Variants in PCDHGB2 observed in about 807,000 individuals in gnomAD.
PCDHGB2 encodes the protein protocadherin gamma subfamily B, 2.
In PCDHGB2, 55 loss-of-function variants were observed where a neutral mutation model predicts 59.3. The observed-to-expected ratio is 0.93, with a 90% CI of 0.75 to 1.16. PCDHGB2 has a LOEUF of 1.16. Ranked by LOEUF, PCDHGB2 falls within the 50% of genes most tolerant of loss-of-function variation. The probability of loss-of-function intolerance (pLI) is 0.00; values close to 1 mark genes in which losing one functional copy is unlikely to be tolerated. For synonymous variants in PCDHGB2, 516 were observed against 512.0 expected (o/e 1.01, Z -0.11); for missense variants, 1,228 against 1,198.5 (o/e 1.02, Z -0.36).
intron 2 of PCDHGB2, among the ~76,000 whole-genome samples, chr5:141,499,297 T>A (rs1449576891): frequency 1.3e-5 from 2 of 152,036 alleles, no homozygotes; most frequent in Non-Finnish European, 2.9e-5. Flanking sequence ...CACACTACCA[T>A]CCCTCCTCTG....
chr5:141,366,033 C>G (rs1310722008), intron 1 of PCDHGB2: 2 of 1,614,254 alleles, frequency 1.2e-6, no homozygotes, highest in South Asian at 2.2e-5. Context: ...CCCGCCCTCC[C>G]CACAGACGGT....
rs773522759 is a variant in PCDHGB2, at chr5:141,419,457, A to G, written c.2421+56901A>G. The G allele has an allele frequency of 7.4e-6, 12 of 1,612,610 alleles. No homozygotes were observed. The South Asian group carries it at 1.3e-4, about 18-fold the overall frequency. On this transcript the variant is annotated intron_variant, in intron 1 of 3. Transcript: ENST00000522605. ...CTGCGCACCTTCGAGCTCACGCTGC[A>G]GGCCCGCGACCAGGGCTCGCCCGCG...
intron 1 of PCDHGB2, among the ~76,000 whole-genome samples, chr5:141,494,113 C>G (rs2099751999): frequency 6.6e-6 from 1 of 152,214 alleles, no homozygotes; most frequent in Non-Finnish European, 1.5e-5. Flanking sequence ...TCAGACAGAG[C>G]AGCCTTGTTC....
Position 141,432,331 on chromosome 5 carries a change from G to A in PCDHGB2, c.2422-62476G>A, listed in dbSNP as rs763952193. Reference sequence around the variant, plus strand: ...CGCTGAGCTCCTTCGACTACGAGCAGTTCCGAGACTTGCAAGTGAAAGTGA... The same window carrying A: ...CGCTGAGCTCCTTCGACTACGAGCAATTCCGAGACTTGCAAGTGAAAGTGA... On this transcript the variant is annotated intron_variant, in intron 1 of 3. Transcript: ENST00000522605. The surrounding 1 kb of genome is among the most constrained non-coding windows in gnomAD (Gnocchi z 6.0). The A allele has an allele frequency of 1.2e-6, 2 of 1,614,278 alleles. No individual in the cohort carries two copies. Among genetic ancestry groups the A allele is most frequent in the East Asian group, 2.2e-5 (1 of 44,888 alleles).
At chr5:141,371,063 C>T (rs774821524) in intron 1 of PCDHGB2, 2 of 1,613,962 alleles carry the variant, frequency 1.2e-6, no homozygotes, top group South Asian at 2.2e-5. Context: ...CCTCCAGAAG[C>T]TGTACCACCC....
At chr5:141,500,887 T>C (rs557735403) in intron 2 of PCDHGB2, among the ~76,000 whole-genome samples, 1 of 95,622 alleles carries the variant, frequency 1.0e-5, no homozygotes, top group South Asian at 2.8e-4. Context: ...ATTTTTTTTT[T>C]TTGAGACAGT....
At chr5:141,443,344 G>T (rs1016738767) in intron 1 of PCDHGB2, among the ~76,000 whole-genome samples, 2 of 151,966 alleles carry the variant, frequency 1.3e-5, no homozygotes, top group African/African-American at 2.4e-5. Context: ...AATTAACAAG[G>T]TTTAGTGGTC....
rs114776679 is a variant in PCDHGB2, at chr5:141,400,351, G to A, written c.2421+37795G>A. The A allele has an allele frequency of 1.1e-3, 1,779 of 1,614,070 alleles. 15 individuals are homozygous for A. The African/African-American group carries it at 0.021, about 19-fold the overall frequency. On this transcript the variant is annotated intron_variant, in intron 1 of 3. Coordinates refer to ENST00000522605, the MANE Select transcript of PCDHGB2 (RefSeq NM_018923.3). ...TGTGGTTCCCCCCAACTACAGTCAG[G>A]GGACTTTGCCTTATTCCTACAACCT...
At chr5:141,430,581 C>A in intron 1 of PCDHGB2, 1 of 483,436 alleles carries the variant, frequency 2.1e-6, no homozygotes, top group Non-Finnish European at 3.4e-6. Context: ...GGAGATCCTG[C>A]TCGCCTTGCA....
chr5:141,500,498 C>T (rs1487770160), intron 2 of PCDHGB2, among the ~76,000 whole-genome samples: 5 of 152,120 alleles, frequency 3.3e-5, no homozygotes, highest in African/African-American at 7.2e-5. Context: ...CGTGAGCCAC[C>T]GCGCCTGGCC....
rs747437039 is a variant in PCDHGB2 at position 141,413,919 on chromosome 5, G to T, written c.2421+51363G>T. The T allele has an allele frequency of 1.2e-5, 19 of 1,613,284 alleles. 1 individual carries two copies. The highest frequency in any genetic ancestry group is 1.6e-5 in the Non-Finnish European group (19 of 1,179,890). ...ATGACAACGCGCCGGTCTTCACCTT[G>T]CCAGAATACCGAGTGAGTGTTCCTG... On this transcript the variant is annotated intron_variant, in intron 1 of 3. Transcript: ENST00000522605.
intron 1 of PCDHGB2, among the ~76,000 whole-genome samples, chr5:141,467,039 A>G (rs1467529268): frequency 2.6e-5 from 4 of 150,960 alleles, no homozygotes; most frequent in Non-Finnish European, 5.9e-5. Context: ...TTTTTTGTGT[A>G]ATGAATCAAT....
intron 1 of PCDHGB2, chr5:141,423,756 GGGGGT>G: frequency 1.1e-5 from 5 of 448,566 alleles, no homozygotes; most frequent in African/African-American, 2.8e-5. Context: ...TGTTTGGGGG[GGGGGT>G]GGGGCGGCAT....
rs1309124846 is a variant in PCDHGB2, at chr5:141,491,295, T to C, written c.2422-3512T>C. On this transcript the variant is annotated intron_variant, in intron 1 of 3. Coordinates refer to ENST00000522605, the MANE Select transcript of PCDHGB2 (RefSeq NM_018923.3). This position sits in a 1 kb window ranked among gnomAD's most constrained non-coding sequence, Gnocchi z 6.9. ...CCAGTGACTTCCTCATACACCCTCC[T>C]GAGCGTTCAGACCTTACCCTTTACC... The C allele has an allele frequency of 6.2e-7, 1 of 1,614,176 alleles. No homozygotes were observed. Among genetic ancestry groups the C allele is most frequent in the Non-Finnish European group, 8.5e-7 (1 of 1,179,994 alleles).
Position 141,477,068 on chromosome 5 carries a change from C to G in PCDHGB2, c.2422-17739C>G. The G allele has an allele frequency of 6.2e-7, 1 of 1,614,268 alleles. No individual in the cohort carries two copies. Among genetic ancestry groups the G allele is most frequent in the Non-Finnish European group, 8.5e-7 (1 of 1,180,046 alleles). On this transcript the variant is annotated intron_variant, in intron 1 of 3. Coordinates refer to ENST00000522605, the MANE Select transcript of PCDHGB2 (RefSeq NM_018923.3). This position sits in a 1 kb window ranked among gnomAD's most constrained non-coding sequence, Gnocchi z 4.9. ...GCTGGACTTCGAGGACACCAAACTC[C>G]ATGAGATTTACATCCAGGCCAAAGA...
At chr5:141,417,345 A>G (rs937116752) in intron 1 of PCDHGB2, 3 of 153,022 alleles carry the variant, frequency 2.0e-5, no homozygotes, top group African/African-American at 7.2e-5. Flanking sequence ...GAGACCTATA[A>G]ACCTTCATGC....
At chr5:141,488,872 T>C (rs773185475) in intron 1 of PCDHGB2, among the ~76,000 whole-genome samples, 4 of 151,794 alleles carry the variant, frequency 2.6e-5, no homozygotes, top group Non-Finnish European at 5.9e-5. Flanking sequence ...AGTGGGGAGG[T>C]AGGAAGCTTC....
At chr5:141,377,770 T>A (rs1774342115) in intron 1 of PCDHGB2, 1 of 152,210 alleles carries the variant, frequency 6.6e-6, no homozygotes, top group South Asian at 2.1e-4. Flanking sequence ...ATCTTTGGTG[T>A]TAAAAGACCT....
chr5:141,441,665 A>C (rs994092543), intron 1 of PCDHGB2: 10 of 265,838 alleles, frequency 3.8e-5, no homozygotes, highest in African/African-American at 2.1e-4. Context: ...CCTTGAGCGC[A>C]CAGTGCGCCT....
Sources: gnomAD v4.1 joint callset for allele counts (sites outside exome capture counted in the v4.1 genomes callset) on GRCh38, gnomAD v4.1.1 for gene constraint, Gnocchi (gnomAD v3.1) non-coding constraint, MANE v1.5 for transcripts, NCBI Gene and HGNC (gene_info 2026-07-23, HGNC 2026-07-21) for gene names.